SDC4: variants seen among roughly 807,000 people sequenced by gnomAD.
SDC4 encodes the protein syndecan 4, also known as syndecan-4.
A neutral mutation model predicts 20.5 loss-of-function variants in SDC4; 17 were observed. That is an observed-to-expected ratio of 0.83 (90% CI 0.57 to 1.25). The LOEUF is 1.25. SDC4 is among the 50% of genes most tolerant of loss of function. The probability of loss-of-function intolerance (pLI) is 0.00; values close to 1 mark genes in which losing one functional copy is unlikely to be tolerated. For synonymous variants in SDC4, 107 were observed against 105.3 expected, an observed-to-expected ratio of 1.02 and a Z score of -0.10; for missense variants, 241 against 252.3, an observed-to-expected ratio of 0.96 and a Z score of 0.30.
At chr20:45,329,046 G>A (rs568558198) in intron 4 of SDC4, among the ~76,000 whole-genome samples, 1 of 152,116 alleles carries the variant, frequency 6.6e-6, no homozygotes, top group Non-Finnish European at 1.5e-5. Flanking sequence ...TTGTGACTTC[G>A]GATAAGTTCT....
At chr20:45,332,658 A>C (rs1011776581) in intron 3 of SDC4, among the ~76,000 whole-genome samples, 9 of 152,148 alleles carry the variant, frequency 5.9e-5, no homozygotes, top group East Asian at 5.8e-4. Context: ...GCACTGGCAC[A>C]ATCTTGGCTC....
chr20:45,330,741 C>T (rs566330574), intron 3 of SDC4, among the ~76,000 whole-genome samples, 177 bp from the exon 4 acceptor site: 1 of 152,256 alleles, frequency 6.6e-6, no homozygotes, highest in East Asian at 1.9e-4. Context: ...AAATCCTTAT[C>T]CCCAACTTTT....
chr20:45,331,554 C>G (rs1987778201), intron 3 of SDC4, among the ~76,000 whole-genome samples: 2 of 152,088 alleles, frequency 1.3e-5, no homozygotes. Flanking sequence ...GAGGTCTGCA[C>G]AAGATACAGG....
In SDC4 at chr20:45,346,715, C is replaced by T. The variant is rs144953834; in HGVS notation, c.60+1610G>A. Among the ~76,000 whole-genome samples, 12 of 152,324 alleles carry T rather than the reference C, an allele frequency of 7.9e-5. No homozygotes were observed. In the East Asian group the frequency reaches 1.7e-3, roughly 22 times the overall value. On this transcript the variant is annotated intron_variant, in intron 1 of 4. Coordinates refer to ENST00000372733, the MANE Select transcript of SDC4 (RefSeq NM_002999.4). ...GGCAGAAGGCTTGGGTCCTCAGCCA[C>T]TAACATTTTAGGCAAGGTAGCCTTT...
chr20:45,330,271 G>T, intron 4 of SDC4, 95 bp downstream of exon 4: 1 of 1,115,334 alleles, frequency 9.0e-7, no homozygotes, highest in Non-Finnish European at 1.3e-6. Flanking sequence ...GCACCAAGGA[G>T]CCTCATGGCT....
Position 45,348,394 on chromosome 20 carries a change from G to C in SDC4, c.-10C>G. On this transcript the variant is annotated 5_prime_UTR_variant, in exon 1 of 5. Coordinates refer to ENST00000372733, the MANE Select transcript of SDC4 (RefSeq NM_002999.4). ...GACGGGCGGGGGCCATGGCACCGCG[G>C]ACTGGAGAAGGCGCGCAGGCTGCGG... is the stretch of plus-strand genomic sequence containing the variant. 1 of 1,564,722 alleles carries C rather than the reference G, an allele frequency of 6.4e-7. No individual in the cohort carries two copies. The highest frequency in any genetic ancestry group is 8.6e-7 in the Non-Finnish European group (1 of 1,158,268).
At chr20:45,338,886 A>G (rs1368635598) in intron 1 of SDC4, among the ~76,000 whole-genome samples, 1 of 152,242 alleles carries the variant, frequency 6.6e-6, no homozygotes, top group Non-Finnish European at 1.5e-5. Flanking sequence ...TGGAGTCTTC[A>G]AAGGCTGCAT....
At chr20:45,331,842 C>T (rs577376043) in intron 3 of SDC4, among the ~76,000 whole-genome samples, 1 of 152,282 alleles carries the variant, frequency 6.6e-6, no homozygotes, top group East Asian at 1.9e-4. Flanking sequence ...CTACCCCTTG[C>T]TTAACATATA....
At chr20:45,330,337 G>C (rs1351077614) in intron 4 of SDC4, 29 bp downstream of exon 4, 3 of 1,605,686 alleles carry the variant, frequency 1.9e-6, no homozygotes, top group South Asian at 1.1e-5. Flanking sequence ...CCACCTTCAA[G>C]GCATCTTATA....
intron 1 of SDC4, among the ~76,000 whole-genome samples, chr20:45,347,681 G>A (rs1568910418): frequency 2.0e-5 from 3 of 152,190 alleles, no homozygotes; most frequent in African/African-American, 7.2e-5. Flanking sequence ...GAAAAGAGCA[G>A]AGTCCCCAAC....
chr20:45,340,087 A>C (rs1167205470), intron 1 of SDC4, among the ~76,000 whole-genome samples: 1 of 152,198 alleles, frequency 6.6e-6, no homozygotes, highest in African/African-American at 2.4e-5. Flanking sequence ...TAAGGGTCTC[A>C]GCAAATCCAC....
intron 1 of SDC4, among the ~76,000 whole-genome samples, chr20:45,339,373 G>A (rs1987921657): frequency 6.6e-6 from 1 of 152,238 alleles, no homozygotes; most frequent in Non-Finnish European, 1.5e-5. Flanking sequence ...GTGTTCGTGT[G>A]TATACATGCA....
chr20:45,340,493 C>T (rs1024953711), intron 1 of SDC4, among the ~76,000 whole-genome samples: 4 of 152,364 alleles, frequency 2.6e-5, no homozygotes, highest in South Asian at 2.1e-4. Flanking sequence ...CAGCCTAACC[C>T]GCCAGTCCAC....
intron 1 of SDC4, among the ~76,000 whole-genome samples, chr20:45,342,403 G>A (rs536473407): frequency 6.6e-6 from 1 of 152,290 alleles, no homozygotes; most frequent in East Asian, 1.9e-4. Context: ...ACGCCCAGAG[G>A]CTAGAGTGAC....
At chr20:45,333,486 T>C (rs960879369) in intron 2 of SDC4, among the ~76,000 whole-genome samples, 1 of 152,104 alleles carries the variant, frequency 6.6e-6, no homozygotes, top group Non-Finnish European at 1.5e-5. Flanking sequence ...CTGGCCAACA[T>C]AGTGAAACCC....
intron 2 of SDC4, 82 bp from the exon 3 acceptor site, chr20:45,333,151 AC>A (rs1402494148): frequency 4.0e-6 from 5 of 1,262,960 alleles, no homozygotes; most frequent in Non-Finnish European, 5.8e-6. Flanking sequence ...TGGGAGCTCC[AC>A]CTTACAACCA....
At chr20:45,331,839 T>C (rs6094130) in intron 3 of SDC4, among the ~76,000 whole-genome samples, 114,487 of 152,102 alleles carry the variant, frequency 0.75, 43,227 homozygotes, top group East Asian at 0.95. Flanking sequence ...AATCTACCCC[T>C]TGCTTAACAT....
intron 1 of SDC4, among the ~76,000 whole-genome samples, chr20:45,340,467 A>C (rs1987938509): frequency 6.8e-6 from 1 of 146,484 alleles, no homozygotes; most frequent in African/African-American, 2.5e-5. Flanking sequence ...ACTGCCACCC[A>C]CTCTTCACTT....
intron 1 of SDC4, among the ~76,000 whole-genome samples, chr20:45,342,621 TG>T (rs1987970570): frequency 8.1e-6 from 1 of 123,408 alleles, no homozygotes; most frequent in East Asian, 2.1e-4. Context: ...CCTGAAGGGG[TG>T]GGGGCCGCTG....
Sources: allele counts gnomAD v4.1 joint callset (sites outside exome capture counted in the v4.1 genomes callset), GRCh38; gene constraint gnomAD v4.1.1; transcripts MANE v1.5; gene names NCBI Gene and HGNC (gene_info 2026-07-23, HGNC 2026-07-21).